FHIT: variants seen among roughly 807,000 people sequenced by gnomAD.
FHIT encodes fragile histidine triad diadenosine triphosphatase.
In FHIT, 19 loss-of-function variants were observed where a neutral mutation model predicts 17.9. That is an observed-to-expected ratio of 1.06 (90% confidence interval 0.74 to 1.56). The LOEUF is 1.56. Ranked by LOEUF, FHIT falls within the 40% of genes most tolerant of loss-of-function variation. FHIT has a pLI of 0.00. For missense variants in FHIT, 248 were observed against 189.2 expected (o/e 1.31, Z -1.82); for synonymous variants, 81 against 69.7 (o/e 1.16, Z -0.81).
chr3:60,058,742 T>C (rs1208976393), intron 5 of FHIT, among the ~76,000 whole-genome samples: 2 of 152,132 alleles, frequency 1.3e-5, no homozygotes, highest in Non-Finnish European at 2.9e-5. Context: ...AGCAACACTG[T>C]GTTAAGAAAG....
intron 5 of FHIT, among the ~76,000 whole-genome samples, chr3:60,106,266 A>G (rs750223244): frequency 6.6e-6 from 1 of 152,242 alleles, no homozygotes; most frequent in Non-Finnish European, 1.5e-5. Context: ...GAAAAGTCCC[A>G]AAGTATCTCT....
intron 2 of FHIT, among the ~76,000 whole-genome samples, chr3:61,196,419 A>G (rs2038855067): frequency 6.6e-6 from 1 of 152,180 alleles, no homozygotes; most frequent in African/African-American, 2.4e-5. Context: ...ATTTACCAAA[A>G]CTTGCTTTTA....
intron 1 of FHIT, among the ~76,000 whole-genome samples, chr3:61,201,827 TG>T (rs2039021919): frequency 3.9e-5 from 6 of 152,112 alleles, no homozygotes; most frequent in Admixed American, 3.3e-4. Context: ...ATATTGCATT[TG>T]TGAAATCTAA....
intron 2 of FHIT, among the ~76,000 whole-genome samples, chr3:61,049,309 T>C (rs1438523244): frequency 6.6e-6 from 1 of 151,830 alleles, no homozygotes; most frequent in Non-Finnish European, 1.5e-5. Flanking sequence ...ATTAATTTCC[T>C]GCCTATGTGA....
At chr3:61,091,694 T>A (rs1209803175) in intron 2 of FHIT, among the ~76,000 whole-genome samples, 1 of 151,980 alleles carries the variant, frequency 6.6e-6, no homozygotes, top group South Asian at 2.1e-4. Flanking sequence ...ACACCTGTAA[T>A]CTTAGCACTT....
intron 3 of FHIT, among the ~76,000 whole-genome samples, chr3:60,841,897 A>T (rs1702735008): frequency 6.6e-6 from 1 of 152,164 alleles, no homozygotes; most frequent in Non-Finnish European, 1.5e-5. Context: ...ATACATGAAG[A>T]TGTTATTTGC....
At chr3:60,053,431 A>G (rs1559587022) in intron 5 of FHIT, among the ~76,000 whole-genome samples, 1 of 149,890 alleles carries the variant, frequency 6.7e-6, no homozygotes, top group Non-Finnish European at 1.5e-5. Flanking sequence ...CATATAATGG[A>G]AATCTTAAGT....
At chr3:59,905,017 G>A (rs1704521049) in intron 8 of FHIT, among the ~76,000 whole-genome samples, 2 of 152,166 alleles carry the variant, frequency 1.3e-5, no homozygotes, top group Admixed American at 6.5e-5. Flanking sequence ...AAACAGAAAG[G>A]GAAATTCTCA....
rs909169661 is a variant in FHIT, at chr3:59,881,256, C to A, written c.348+41090G>T. Among the ~76,000 whole-genome samples, 12 of 152,216 alleles carry A rather than the reference C, an allele frequency of 7.9e-5. 1 individual carries two copies. In the East Asian group the frequency reaches 2.1e-3, roughly 27 times the overall value. Reference sequence around the variant, plus strand: ...GCTTCTAGAGAGGCCAGGTTCCAACCCATTACAAGCTGATAACCATATGTA... The same window carrying A: ...GCTTCTAGAGAGGCCAGGTTCCAACACATTACAAGCTGATAACCATATGTA... On this transcript the variant is annotated intron_variant, in intron 8 of 9. Coordinates refer to ENST00000492590, the MANE Select transcript of FHIT (RefSeq NM_002012.4).
At chr3:60,699,157 C>A (rs950437782) in intron 4 of FHIT, among the ~76,000 whole-genome samples, 1 of 152,104 alleles carries the variant, frequency 6.6e-6, no homozygotes, top group Non-Finnish European at 1.5e-5. Flanking sequence ...AAATACCCAA[C>A]TACTTATGAG....
intron 5 of FHIT, among the ~76,000 whole-genome samples, chr3:60,350,121 C>T (rs140048952): frequency 6.6e-6 from 1 of 152,248 alleles, no homozygotes; most frequent in South Asian, 2.1e-4. Flanking sequence ...CACTCCCATA[C>T]CTACATCAGG....
chr3:60,959,345 T>G (rs1381096082), intron 3 of FHIT, among the ~76,000 whole-genome samples: 1 of 152,222 alleles, frequency 6.6e-6, no homozygotes, highest in Non-Finnish European at 1.5e-5. Context: ...TTATTTCCCA[T>G]AATTAGTCAC....
chr3:60,191,480 A>T (rs1266981544), intron 5 of FHIT, among the ~76,000 whole-genome samples: 1 of 152,176 alleles, frequency 6.6e-6, no homozygotes, highest in Non-Finnish European at 1.5e-5. Context: ...ATACGAACAT[A>T]ATGGCAGTGT....
At chr3:59,803,789 C>T (rs1239150512) in intron 8 of FHIT, among the ~76,000 whole-genome samples, 2 of 151,980 alleles carry the variant, frequency 1.3e-5, no homozygotes, top group Non-Finnish European at 2.9e-5. Context: ...TAATAAATCC[C>T]TATTTGCTTC....
intron 4 of FHIT, among the ~76,000 whole-genome samples, chr3:60,574,985 C>T (rs529552780): frequency 9.2e-5 from 14 of 151,858 alleles, no homozygotes; most frequent in Non-Finnish European, 1.3e-4. Context: ...TCGTTTGTGC[C>T]TGTCACATCT....
At chr3:59,802,927 T>C (rs1700056473) in intron 8 of FHIT, among the ~76,000 whole-genome samples, 1 of 152,176 alleles carries the variant, frequency 6.6e-6, no homozygotes, top group Admixed American at 6.5e-5. Flanking sequence ...TGGAACACTT[T>C]CTATCTTGAA....
At chr3:59,777,085 G>A (rs1413735786) in intron 8 of FHIT, among the ~76,000 whole-genome samples, 3 of 152,082 alleles carry the variant, frequency 2.0e-5, no homozygotes, top group Admixed American at 6.6e-5. Context: ...TCTAGGCCCT[G>A]TGCACTTGTA....
intron 1 of FHIT, among the ~76,000 whole-genome samples, chr3:61,222,697 C>A (rs1348026596): frequency 6.6e-6 from 1 of 151,980 alleles, no homozygotes; most frequent in Non-Finnish European, 1.5e-5. Flanking sequence ...ATGAATACTG[C>A]AAAGAAAAAT....
intron 2 of FHIT, among the ~76,000 whole-genome samples, chr3:61,090,981 T>C (rs963211429): frequency 7.2e-5 from 11 of 152,206 alleles, no homozygotes; most frequent in African/African-American, 2.7e-4. Context: ...CTTTTCTTTC[T>C]GTCACTCACA....
Sources: allele counts gnomAD v4.1 joint callset (sites outside exome capture counted in the v4.1 genomes callset), GRCh38; gene constraint gnomAD v4.1.1; transcripts MANE v1.5; gene names NCBI Gene and HGNC (gene_info 2026-07-23, HGNC 2026-07-21).